The following AHI1 variants were observed in gnomAD, a reference collection of about 807,000 sequenced individuals.
AHI1 encodes jouberin.
Under a neutral mutation model 149.3 loss-of-function variants are expected in AHI1, and 123 were observed. The observed-to-expected ratio is 0.82, with a 90% confidence interval of 0.71 to 0.96. The LOEUF (loss-of-function observed/expected upper bound fraction) is 0.96. Among genes scored for constraint, AHI1 ranks in the 40% least tolerant of loss-of-function variants. AHI1 has a pLI of 0.00. For synonymous variants in AHI1, 475 were observed against 459.8 expected (o/e 1.03, Z -0.42); for missense variants, 1,439 against 1,422.7 (o/e 1.01, Z -0.18).
rs1300421924 is a variant in AHI1, at chr6:135,285,366, T to C, written c.*279A>G. Reference sequence around the variant, plus strand: ...GTTTTCTTCATTAGTTTTCCAACACTGGTAATGTAATTATGATGCAATTAC... The same window carrying C: ...GTTTTCTTCATTAGTTTTCCAACACCGGTAATGTAATTATGATGCAATTAC... On this transcript the variant is annotated 3_prime_UTR_variant, in exon 29 of 29. Coordinates refer to ENST00000265602, the MANE Select transcript of AHI1 (RefSeq NM_001134831.2). The C allele has an allele frequency of 7.9e-6, 4 of 503,480 alleles. No individual in the cohort carries two copies. In the East Asian group the frequency reaches 1.3e-4, roughly 16 times the overall value. 31.2% of individuals were successfully genotyped at this position (503,480 alleles called of 1,614,324 possible).
chr6:135,299,044 G>C (rs1783525703), intron 27 of AHI1, among the ~76,000 whole-genome samples: 1 of 151,952 alleles, frequency 6.6e-6, no homozygotes, highest in South Asian at 2.1e-4. Context: ...TTGTTGTTGA[G>C]TATACGCTCC....
chr6:135,429,198 G>GA (rs1422141319), intron 18 of AHI1, among the ~76,000 whole-genome samples: 1 of 151,134 alleles, frequency 6.6e-6, no homozygotes, highest in African/African-American at 2.4e-5. Flanking sequence ...TTTGATCTCT[G>GA]AAAAAAAATT....
At chr6:135,485,032 A>C (rs1794265418) in intron 5 of AHI1, among the ~76,000 whole-genome samples, 1 of 152,102 alleles carries the variant, frequency 6.6e-6, no homozygotes, top group East Asian at 1.9e-4. Flanking sequence ...CAAAAGCTAA[A>C]GCAACCTAAC....
Position 135,466,336 on chromosome 6 carries a change from T to C in AHI1, c.227A>G (p.Glu76Gly). The change falls in exon 7 of 29, where the codon GAA becomes GGA. Residue 76 changes from glutamate to glycine, a missense_variant. By Grantham distance (98) the Glu-to-Gly change is moderately conservative. Coordinates refer to ENST00000265602, the MANE Select transcript of AHI1 (RefSeq NM_001134831.2). ...TIRSNLPHIK[E>G]TTSDDVSAAN... is the part of the protein sequence containing the mutation. ...AGCACTTACATCATCACTTGTAGTT[T>C]CTTTAATATGGGGAAGATTGCTTCT... 2 of 1,613,912 alleles carry C rather than the reference T, an allele frequency of 1.2e-6. No homozygotes were observed. Among genetic ancestry groups the C allele is most frequent in the Non-Finnish European group, 1.7e-6 (2 of 1,179,832 alleles).
At chr6:135,422,449 T>C (rs1783318364) in intron 20 of AHI1, among the ~76,000 whole-genome samples, 1 of 151,634 alleles carries the variant, frequency 6.6e-6, no homozygotes, top group Non-Finnish European at 1.5e-5. Context: ...GAGGCCGCAG[T>C]GAGCTGTGAT....
chr6:135,482,538 A>T (rs1358169886), intron 5 of AHI1, among the ~76,000 whole-genome samples: 1 of 152,056 alleles, frequency 6.6e-6, no homozygotes, highest in Non-Finnish European at 1.5e-5. Flanking sequence ...GATCATTTTA[A>T]TGCACTGTCC....
chr6:135,486,370 G>A (rs998105306), intron 5 of AHI1, among the ~76,000 whole-genome samples: 6 of 152,116 alleles, frequency 3.9e-5, no homozygotes, highest in African/African-American at 1.4e-4. Flanking sequence ...TAACACACAT[G>A]AACACCAATG....
chr6:135,411,228 G>T (rs1310267238), intron 21 of AHI1, 120 bp downstream of exon 21: 1 of 943,528 alleles, frequency 1.1e-6, no homozygotes, highest in Non-Finnish European at 1.6e-6. Flanking sequence ...AACCATAAAA[G>T]TATAGGAAGG....
intron 24 of AHI1, among the ~76,000 whole-genome samples, chr6:135,345,217 C>T (rs913524272): frequency 1.3e-5 from 2 of 152,162 alleles, no homozygotes; most frequent in African/African-American, 4.8e-5. Flanking sequence ...TCATTCATGT[C>T]TGGTGTGATC....
chr6:135,455,353 C>A (rs1382534749), intron 10 of AHI1, among the ~76,000 whole-genome samples: 1 of 152,074 alleles, frequency 6.6e-6, no homozygotes, highest in East Asian at 1.9e-4. Context: ...CTTTATTTAT[C>A]CAGGTGGTAC....
chr6:135,446,045 G>A (rs1230969235), intron 13 of AHI1, among the ~76,000 whole-genome samples: 1 of 151,414 alleles, frequency 6.6e-6, no homozygotes, highest in African/African-American at 2.4e-5. Context: ...GACAGAGCAA[G>A]TCTCCGTCTC....
intron 5 of AHI1, chr6:135,489,810 C>G: frequency 5.8e-6 from 1 of 173,476 alleles, no homozygotes; most frequent in Admixed American, 6.2e-5. Context: ...AGACAGAATA[C>G]TAAAATGAAC....
At chr6:135,397,311 A>G (rs560751769) in intron 22 of AHI1, among the ~76,000 whole-genome samples, 14 of 152,040 alleles carry the variant, frequency 9.2e-5, no homozygotes, top group Non-Finnish European at 2.1e-4. Context: ...TCTATTTTTG[A>G]AATATGTGCT....
chr6:135,489,718 A>G (rs1794975397), intron 5 of AHI1, among the ~76,000 whole-genome samples: 1 of 152,118 alleles, frequency 6.6e-6, no homozygotes, highest in African/African-American at 2.4e-5. Flanking sequence ...GAACCCTCAC[A>G]TATGTGCAGC....
At chr6:135,326,048 C>T (rs970541893) in intron 24 of AHI1, among the ~76,000 whole-genome samples, 3 of 152,326 alleles carry the variant, frequency 2.0e-5, no homozygotes, top group African/African-American at 7.2e-5. Flanking sequence ...TTTTCTATTA[C>T]AGTACCTACT....
chr6:135,310,214 A>T (rs964686468), intron 26 of AHI1, among the ~76,000 whole-genome samples: 6 of 152,230 alleles, frequency 3.9e-5, no homozygotes, highest in Non-Finnish European at 2.9e-5. Flanking sequence ...ATTCAGATTC[A>T]TTCCTGGTAC....
chr6:135,356,194 CAG>C (rs1252323296), intron 24 of AHI1, among the ~76,000 whole-genome samples: 2 of 152,202 alleles, frequency 1.3e-5, no homozygotes, highest in Non-Finnish European at 2.9e-5. Flanking sequence ...CAGGCTCTAA[CAG>C]ATACTTAAAT....
At chr6:135,356,854 G>A (rs567475557) in intron 24 of AHI1, among the ~76,000 whole-genome samples, 170 of 152,188 alleles carry the variant, frequency 1.1e-3, no homozygotes, top group African/African-American at 4.0e-3. Context: ...ATCAATCATA[G>A]GGATTTATTA....
At chr6:135,433,495 G>T (rs554812929) in intron 15 of AHI1, among the ~76,000 whole-genome samples, 1 of 152,082 alleles carries the variant, frequency 6.6e-6, no homozygotes, top group South Asian at 2.1e-4. Context: ...TCCACTAATT[G>T]TAATCTATAC....
Sources: gnomAD v4.1 joint callset for allele counts (sites outside exome capture counted in the v4.1 genomes callset) on GRCh38, gnomAD v4.1.1 for gene constraint, MANE v1.5 for transcripts, NCBI Gene and HGNC (gene_info 2026-07-23, HGNC 2026-07-21) for gene names.